The following PCDH9 variants were observed in gnomAD, a reference collection of about 807,000 sequenced individuals.
PCDH9 encodes protocadherin 9.
In PCDH9, 24 loss-of-function variants were observed where a neutral mutation model predicts 70.6. That is an observed-to-expected ratio of 0.34 (90% CI 0.25 to 0.48). The LOEUF is 0.48. PCDH9 is among the 20% of genes least tolerant of loss of function. PCDH9 has a pLI of 0.99. For synonymous variants in PCDH9, 562 were observed against 558.5 expected, an observed-to-expected ratio of 1.01 and a Z score of -0.09; for missense variants, 1,281 against 1,503.6, an observed-to-expected ratio of 0.85 and a Z score of 2.45.
intron 3 of PCDH9, among the ~76,000 whole-genome samples, chr13:66,800,775 G>GT (rs539169063): frequency 2.0e-5 from 3 of 151,624 alleles, no homozygotes; most frequent in African/African-American, 4.8e-5. Context: ...AAGTCAAATT[G>GT]TTTTTTTTAC....
At chr13:67,101,204 G>A (rs142827408) in intron 2 of PCDH9, among the ~76,000 whole-genome samples, 4 of 152,142 alleles carry the variant, frequency 2.6e-5, no homozygotes, top group Admixed American at 2.6e-4. Flanking sequence ...TGCTTTCAGA[G>A]AGAAAAGACT....
intron 2 of PCDH9, among the ~76,000 whole-genome samples, chr13:67,145,048 C>T (rs1406938811): frequency 6.6e-6 from 1 of 152,018 alleles, no homozygotes; most frequent in Non-Finnish European, 1.5e-5. Flanking sequence ...TTTCAGATTC[C>T]CTGTCATCAT....
chr13:66,612,318 C>T lies in PCDH9; in HGVS notation c.3340+18892G>A, dbSNP rs183972389. ...CAACTAGTGAAAGACCAACTATTTG[C>T]AATAATCAGTGAAAGACCAAACAAT... On this transcript the variant is annotated intron_variant, in intron 4 of 4. Coordinates refer to ENST00000377865, the MANE Select transcript of PCDH9 (RefSeq NM_203487.3). Among the ~76,000 whole-genome samples, 220 of 152,220 alleles carry T rather than the reference C, an allele frequency of 1.4e-3. 1 individual carries two copies. Among genetic ancestry groups the T allele is most frequent in the Middle Eastern group, 3.4e-3 (1 of 294 alleles).
intron 3 of PCDH9, among the ~76,000 whole-genome samples, chr13:66,665,131 A>C (rs995897372): frequency 1.0e-4 from 14 of 137,494 alleles, no homozygotes; most frequent in Non-Finnish European, 1.9e-4. Flanking sequence ...TTTGAGACGG[A>C]GTTTTGCTCT....
chr13:66,347,395 A>C (rs948351363), intron 4 of PCDH9, among the ~76,000 whole-genome samples: 2 of 152,178 alleles, frequency 1.3e-5, no homozygotes, highest in African/African-American at 4.8e-5. Flanking sequence ...TTCAGGCCTT[A>C]GGCTATGGTG....
chr13:67,060,264 A>G (rs2085513141), intron 2 of PCDH9, among the ~76,000 whole-genome samples: 2 of 152,042 alleles, frequency 1.3e-5, no homozygotes, highest in African/African-American at 4.8e-5. Flanking sequence ...TATCATTTTT[A>G]CAGCCACCCT....
intron 4 of PCDH9, among the ~76,000 whole-genome samples, chr13:66,403,540 A>G (rs1957227071): frequency 6.6e-6 from 1 of 152,142 alleles, no homozygotes; most frequent in East Asian, 1.9e-4. Context: ...GGCCTATAGC[A>G]GTGGTCTTCT....
chr13:67,141,204 T>C (rs1200103264), intron 2 of PCDH9, among the ~76,000 whole-genome samples: 1 of 152,076 alleles, frequency 6.6e-6, no homozygotes, highest in African/African-American at 2.4e-5. Flanking sequence ...ACATATGCAA[T>C]ACAGTGGGCT....
intron 2 of PCDH9, among the ~76,000 whole-genome samples, chr13:67,187,508 A>G (rs905997090): frequency 1.3e-5 from 2 of 152,162 alleles, no homozygotes; most frequent in Non-Finnish European, 2.9e-5. Flanking sequence ...ACAAAATGCT[A>G]TTTTTCTAAA....
At chr13:66,909,212 C>CA (rs1024534205) in intron 2 of PCDH9, among the ~76,000 whole-genome samples, 4 of 150,856 alleles carry the variant, frequency 2.7e-5, no homozygotes. Context: ...ACAATAACTA[C>CA]AAAAAAGACT....
At chr13:66,925,936 T>C (rs1426390564) in intron 2 of PCDH9, among the ~76,000 whole-genome samples, 1 of 152,014 alleles carries the variant, frequency 6.6e-6, no homozygotes, top group Non-Finnish European at 1.5e-5. Context: ...CGATGTTATA[T>C]TTCCACAGAT....
At chr13:67,101,634 A>G (rs1196833286) in intron 2 of PCDH9, among the ~76,000 whole-genome samples, 1 of 152,178 alleles carries the variant, frequency 6.6e-6, no homozygotes, top group African/African-American at 2.4e-5. Flanking sequence ...TTTTTGTTCA[A>G]TTTGTATGTT....
chr13:66,425,105 A>C (rs1304890101), intron 4 of PCDH9, among the ~76,000 whole-genome samples: 1 of 151,936 alleles, frequency 6.6e-6, no homozygotes, highest in Non-Finnish European at 1.5e-5. Context: ...TATTATGTTC[A>C]TCATTTTATG....
intron 2 of PCDH9, among the ~76,000 whole-genome samples, chr13:67,029,280 A>AT (rs2084856624): frequency 6.6e-6 from 1 of 152,176 alleles, no homozygotes; most frequent in Non-Finnish European, 1.5e-5. Context: ...TATGAGAAAA[A>AT]TATAATGTGC....
chr13:67,089,991 T>C (rs2086185939), intron 2 of PCDH9, among the ~76,000 whole-genome samples: 1 of 152,034 alleles, frequency 6.6e-6, no homozygotes, highest in African/African-American at 2.4e-5. Context: ...TTGCAAGTTT[T>C]CCACAAGCCC....
chr13:66,330,749 T>G (rs1319113856), intron 4 of PCDH9, among the ~76,000 whole-genome samples: 1 of 152,212 alleles, frequency 6.6e-6, no homozygotes, highest in Non-Finnish European at 1.5e-5. Context: ...AAACCTTGCA[T>G]GTAATCATAC....
At chr13:66,740,531 A>G (rs1593986612) in intron 3 of PCDH9, among the ~76,000 whole-genome samples, 2 of 146,290 alleles carry the variant, frequency 1.4e-5, no homozygotes, top group East Asian at 4.1e-4. Flanking sequence ...AAAACCCTTC[A>G]AAAAATTAAT....
intron 4 of PCDH9, among the ~76,000 whole-genome samples, chr13:66,372,863 G>GTGCCT (rs757479840): frequency 4.6e-5 from 7 of 151,888 alleles, no homozygotes; most frequent in Non-Finnish European, 1.0e-4. Context: ...GGTGCCTAGG[G>GTGCCT]TGCCTTGTAA....
intron 2 of PCDH9, among the ~76,000 whole-genome samples, chr13:66,907,666 T>TAGCAAGAA (rs2082386457): frequency 6.6e-6 from 1 of 152,174 alleles, no homozygotes; most frequent in Non-Finnish European, 1.5e-5. Flanking sequence ...TAATCAACAG[T>TAGCAAGAA]AGCAAGAACA....
Sources: allele counts gnomAD v4.1 joint callset (sites outside exome capture counted in the v4.1 genomes callset), GRCh38; gene constraint gnomAD v4.1.1; transcripts MANE v1.5; gene names NCBI Gene and HGNC (gene_info 2026-07-23, HGNC 2026-07-21).